Variants in SGPP1 observed in about 807,000 individuals in gnomAD.
SGPP1 encodes sphingosine-1-phosphate phosphatase 1.
SGPP1 carries 21 observed loss-of-function variants against 33.0 expected under a neutral mutation model. The ratio of observed to expected loss-of-function variants is 0.64; its 90% CI spans 0.45 to 0.92. The LOEUF is 0.92. SGPP1 is among the 40% of genes least tolerant of loss of function. The probability of loss-of-function intolerance (pLI) is 0.00; values close to 1 mark genes in which losing one functional copy is unlikely to be tolerated. For missense variants in SGPP1, 543 were observed against 589.4 expected (o/e 0.92, Z 0.81); for synonymous variants, 239 against 241.2 (o/e 0.99, Z 0.08).
rs1056365357 is a variant in SGPP1 at position 63,684,434 on chromosome 14, G to T, written c.*1671C>A. The T allele has an allele frequency of 6.6e-6, 1 of 152,002 alleles. No homozygotes were observed. The highest frequency in any genetic ancestry group is 1.5e-5 in the Non-Finnish European group (1 of 67,890). The allele number at this position is 152,002 out of a possible 1,614,324, so 9.4% of individuals were successfully genotyped here. ...TAAAGCTCTTTTCACATTTTCCAAC[G>T]TACCAATATTTTCCTACATGCCTTG... On this transcript the variant is annotated 3_prime_UTR_variant, in exon 3 of 3. Transcript: ENST00000247225.
At chr14:63,721,366 C>T (rs1332997288) in intron 1 of SGPP1, among the ~76,000 whole-genome samples, 1 of 151,338 alleles carries the variant, frequency 6.6e-6, no homozygotes, top group African/African-American at 2.4e-5. Flanking sequence ...ATCACTTGAA[C>T]ACAGGAGGCG....
intron 2 of SGPP1, among the ~76,000 whole-genome samples, chr14:63,695,900 G>T (rs1885177854): frequency 6.6e-6 from 1 of 152,152 alleles, no homozygotes; most frequent in Non-Finnish European, 1.5e-5. Flanking sequence ...GACAGAGCAA[G>T]ACCTTGTCTC....
intron 2 of SGPP1, among the ~76,000 whole-genome samples, chr14:63,689,737 C>T (rs2139626277): frequency 6.7e-6 from 1 of 148,780 alleles, no homozygotes; most frequent in Admixed American, 6.7e-5. Flanking sequence ...GTGGAGGTTG[C>T]AGTGAGCTGA....
chr14:63,715,443 T>C lies in SGPP1; in HGVS notation c.684+11818A>G, dbSNP rs376466093. Among the ~76,000 whole-genome samples the C allele has an allele frequency of 4.6e-5, 7 of 152,344 alleles. No individual in the cohort carries two copies. The South Asian group carries it at 8.3e-4, about 18-fold the overall frequency. Reference sequence around the variant, plus strand: ...CTATTTTATTGTTTAAAGTGACTTATGAAGCATTCTGTTGTGTGTTTGTAT... The same window carrying C: ...CTATTTTATTGTTTAAAGTGACTTACGAAGCATTCTGTTGTGTGTTTGTAT... On this transcript the variant is annotated intron_variant, in intron 1 of 2. Transcript: ENST00000247225.
chr14:63,690,542 T>C (rs1217248672), intron 2 of SGPP1, among the ~76,000 whole-genome samples: 1 of 152,098 alleles, frequency 6.6e-6, no homozygotes, highest in Non-Finnish European at 1.5e-5. Context: ...GGTAGGGAAA[T>C]AGACTATGTT....
At chr14:63,726,770 T>C (rs2139658838) in intron 1 of SGPP1, among the ~76,000 whole-genome samples, 1 of 152,362 alleles carries the variant, frequency 6.6e-6, no homozygotes, top group East Asian at 1.9e-4. Flanking sequence ...TGCTTGGAAC[T>C]AGCATGTTTG....
intron 1 of SGPP1, among the ~76,000 whole-genome samples, chr14:63,719,988 T>C (rs1455674528): frequency 6.7e-6 from 1 of 148,676 alleles, no homozygotes; most frequent in Non-Finnish European, 1.5e-5. Context: ...TAGCTGGACA[T>C]GGTGGTAGGT....
intron 1 of SGPP1, among the ~76,000 whole-genome samples, chr14:63,703,673 A>G (rs1401812564): frequency 6.6e-6 from 1 of 151,428 alleles, no homozygotes; most frequent in African/African-American, 2.4e-5. Flanking sequence ...AAAAAAAAAA[A>G]AAAAGACCTA....
At chr14:63,723,230 A>C (rs1885812163) in intron 1 of SGPP1, among the ~76,000 whole-genome samples, 1 of 152,086 alleles carries the variant, frequency 6.6e-6, no homozygotes, top group Non-Finnish European at 1.5e-5. Flanking sequence ...TTTCCAATTC[A>C]GGCTACAAAA....
intron 2 of SGPP1, among the ~76,000 whole-genome samples, chr14:63,687,547 CTGAT>C (rs1473764865): frequency 1.3e-5 from 2 of 152,122 alleles, no homozygotes; most frequent in African/African-American, 4.8e-5. Flanking sequence ...GATTAGAGTA[CTGAT>C]TGATTAAGGA....
intron 1 of SGPP1, among the ~76,000 whole-genome samples, chr14:63,713,647 C>T (rs750559890): frequency 2.0e-5 from 3 of 152,118 alleles, no homozygotes; most frequent in Non-Finnish European, 4.4e-5. Flanking sequence ...AAGCCAAAAT[C>T]TAGGGAAGAA....
chr14:63,723,119 C>T (rs1885809748), intron 1 of SGPP1, among the ~76,000 whole-genome samples: 1 of 151,740 alleles, frequency 6.6e-6, no homozygotes, highest in Non-Finnish European at 1.5e-5. Flanking sequence ...TTGAAAAGAA[C>T]ATGCAAACAT....
At chr14:63,711,060 C>G (rs1885512522) in intron 1 of SGPP1, among the ~76,000 whole-genome samples, 2 of 149,308 alleles carry the variant, frequency 1.3e-5, no homozygotes, top group Non-Finnish European at 3.0e-5. Context: ...GCTGCCCAGG[C>G]TGGAGTGCAA....
chr14:63,697,289 A>G (rs1885206234), intron 2 of SGPP1, among the ~76,000 whole-genome samples: 1 of 152,236 alleles, frequency 6.6e-6, no homozygotes, highest in South Asian at 2.1e-4. Context: ...TCTGTGAAGG[A>G]GCAGGTGCTG....
intron 2 of SGPP1, among the ~76,000 whole-genome samples, chr14:63,695,904 T>G (rs1287651075): frequency 6.8e-6 from 1 of 146,958 alleles, no homozygotes; most frequent in Non-Finnish European, 1.5e-5. Context: ...GAGCAAGACC[T>G]TGTCTCTAAA....
chr14:63,727,618 G>C lies in SGPP1; in HGVS notation c.327C>G (p.Arg109=), dbSNP rs150004807. ...CCTCCTCGCCCGTCAGCGAGTTGCGGCGCAGAGCGCCCGCGCGCCGCGGCG... is the reference window on the plus strand; with the variant it reads ...CCTCCTCGCCCGTCAGCGAGTTGCGCCGCAGAGCGCCCGCGCGCCGCGGCG... ...PASPRRAGAL[R]RNSLTGEEGQ... is the part of the protein sequence containing the mutation. Residue 109 remains arginine (R), a synonymous_variant, in exon 1 of 3, where the codon CGC becomes CGG. Coordinates refer to ENST00000247225, the MANE Select transcript of SGPP1 (RefSeq NM_030791.4). 6.1e-6 allele frequency: 9 copies of C among 1,474,504 alleles called. No homozygotes were observed. Among genetic ancestry groups the C allele is most frequent in the Non-Finnish European group, 8.0e-6 (9 of 1,121,662 alleles). The allele number at this position is 1,474,504 out of a possible 1,614,324, so 91.3% of individuals were successfully genotyped here.
chr14:63,696,629 T>C (rs1885192108), intron 2 of SGPP1, among the ~76,000 whole-genome samples: 1 of 152,190 alleles, frequency 6.6e-6, no homozygotes, highest in East Asian at 1.9e-4. Context: ...TGTATGTAAA[T>C]TCACAATTCA....
chr14:63,699,946 G>A (rs1885261891), intron 1 of SGPP1, among the ~76,000 whole-genome samples: 1 of 151,898 alleles, frequency 6.6e-6, no homozygotes, highest in African/African-American at 2.4e-5. Context: ...TCTGTCCTTA[G>A]TAGTTACTGA....
chr14:63,712,193 T>G (rs1885536278), intron 1 of SGPP1, among the ~76,000 whole-genome samples: 1 of 151,602 alleles, frequency 6.6e-6, no homozygotes, highest in Non-Finnish European at 1.5e-5. Flanking sequence ...GCTTTTTCTT[T>G]TTTTAATTTA....
Sources: allele counts gnomAD v4.1 joint callset (sites outside exome capture counted in the v4.1 genomes callset), GRCh38; gene constraint gnomAD v4.1.1; transcripts MANE v1.5; gene names NCBI Gene and HGNC (gene_info 2026-07-23, HGNC 2026-07-21).